The following CDH10 variants were observed in gnomAD, a reference collection of about 807,000 sequenced individuals.
The protein encoded by CDH10 is cadherin-10.
Under a neutral mutation model 73.1 loss-of-function variants are expected in CDH10, and 30 were observed. The observed-to-expected ratio is 0.41, with a 90% CI of 0.31 to 0.56. The LOEUF (loss-of-function observed/expected upper bound fraction) is 0.56. CDH10 is among the 20% of genes least tolerant of loss of function. The pLI, the probability that CDH10 is intolerant of heterozygous loss-of-function variation, is 0.27. For synonymous variants in CDH10, 345 were observed against 348.2 expected (o/e 0.99, Z 0.10); for missense variants, 815 against 973.7 (o/e 0.84, Z 2.17).
intron 2 of CDH10, among the ~76,000 whole-genome samples, chr5:24,559,401 C>T (rs149944180): frequency 2.1e-3 from 316 of 152,066 alleles, no homozygotes; most frequent in Middle Eastern, 0.01. Context: ...AATAAATTAT[C>T]TTTTTAATCC....
Position 24,495,703 on chromosome 5 carries a change from C to T in CDH10, c.1515+2695G>A, listed in dbSNP as rs1277729613. 3.3e-5 allele frequency among the ~76,000 whole-genome samples: 5 copies of T among 151,876 alleles called. No homozygotes were observed. In the South Asian group the frequency reaches 6.3e-4, roughly 19 times the overall value. On this transcript the variant is annotated intron_variant, in intron 9 of 11. Coordinates refer to ENST00000264463, the MANE Select transcript of CDH10 (RefSeq NM_006727.5). ...CTCTACTAAAATACAAAAAATCAGG[C>T]GGGCGTGGTGGTGCGCACCTGCAGT...
chr5:24,595,409 T>C (rs1746338825), intron 1 of CDH10, among the ~76,000 whole-genome samples: 3 of 151,902 alleles, frequency 2.0e-5, no homozygotes, highest in Admixed American at 1.3e-4. Context: ...GTGTATTAAA[T>C]GACAGTGGAG....
In CDH10 at chr5:24,491,680, C is replaced by T. The variant is rs2111638593; in HGVS notation, c.1772G>A (p.Ser591Asn). ...TLTIRVCACDSQGNMQSCSAE... is the reference protein window; with the variant it reads ...TLTIRVCACDNQGNMQSCSAE... ...ACTGCAGGATTGCATGTTGCCTTGG[C>T]TGTCACAAGCACACACTCGAATGGT... is the stretch of plus-strand genomic sequence containing the variant. The change falls in exon 11 of 12, where the codon AGC (serine) becomes AAC (asparagine). Residue 591 changes from serine (S) to asparagine (N), a missense_variant. Around this residue, in one of 3 missense-constraint regions of CDH10, gnomAD observed 516 missense variants for 636.6 expected, o/e 0.81. Transcript: ENST00000264463. 1 of 1,613,996 alleles carries T rather than the reference C, an allele frequency of 6.2e-7. No individual in the cohort carries two copies. Among genetic ancestry groups the T allele is most frequent in the Non-Finnish European group, 8.5e-7 (1 of 1,179,896 alleles).
At chr5:24,583,336 A>G (rs1745870659) in intron 2 of CDH10, among the ~76,000 whole-genome samples, 2 of 152,088 alleles carry the variant, frequency 1.3e-5, no homozygotes, top group Non-Finnish European at 2.9e-5. Flanking sequence ...GGAAATATAT[A>G]TATTTTTAAA....
At chr5:24,549,282 G>A (rs138184389) in intron 2 of CDH10, among the ~76,000 whole-genome samples, 331 of 152,270 alleles carry the variant, frequency 2.2e-3, no homozygotes, top group African/African-American at 7.2e-3. Flanking sequence ...CGAAGTAGAA[G>A]TTGTATTCCA....
At chr5:24,604,260 T>C (rs184100554) in intron 1 of CDH10, among the ~76,000 whole-genome samples, 1 of 152,126 alleles carries the variant, frequency 6.6e-6, no homozygotes, top group African/African-American at 2.4e-5. Context: ...TGTGGGAGGA[T>C]TGCTTGAGCC....
rs528177599 is a variant in CDH10 at position 24,601,894 on chromosome 5, CCTACCATTATCATCCCCTG to C, written c.-123-8300_-123-8282del. Among the ~76,000 whole-genome samples, 445 of 152,216 alleles carry C rather than the reference CCTACCATTATCATCCCCTG, an allele frequency of 2.9e-3. 1 individual carries two copies. The highest frequency in any genetic ancestry group is 0.01 in the African/African-American group (422 of 41,530). On this transcript the variant is annotated intron_variant, in intron 1 of 11. Coordinates refer to ENST00000264463, the MANE Select transcript of CDH10 (RefSeq NM_006727.5). Reference sequence around the variant, plus strand: ...ATTACATTCACACCCTGACCCTAACCCTACCATTATCATCCCCTGCTACTACTCTTGCAATTCCAACTAA... The same window carrying C: ...ATTACATTCACACCCTGACCCTAACCCTACTACTCTTGCAATTCCAACTAA...
In CDH10 at chr5:24,488,139, A is replaced by G. The variant is rs2111613308; in HGVS notation, c.1891T>C (p.Phe631Leu). Residue 631 changes from phenylalanine (F) to leucine (L), a missense_variant, in exon 12 of 12, where the codon TTT becomes CTT. Phe to Leu is a conservative substitution (Grantham distance 22). Around this residue, in one of 3 missense-constraint regions of CDH10, gnomAD observed 241 missense variants for 240.3 expected, o/e 1.00. Transcript: ENST00000264463. ...IIILLVIVVL[F>L]AALKRQRKKE... ...TTTCGCTGTCTTTTCAGAGCTGCAA[A>G]CAGTACTACTATAACTTGAAAAAAG... The G allele has an allele frequency of 6.2e-7, 1 of 1,610,600 alleles. No individual in the cohort carries two copies. Among genetic ancestry groups the G allele is most frequent in the Non-Finnish European group, 8.5e-7 (1 of 1,178,670 alleles).
intron 2 of CDH10, among the ~76,000 whole-genome samples, chr5:24,581,510 C>T (rs1016098442): frequency 6.6e-5 from 10 of 152,110 alleles, no homozygotes; most frequent in Non-Finnish European, 1.2e-4. Context: ...TTTTGAATTT[C>T]CTGTATTTCT....
At chr5:24,636,488 T>C (rs555881752) in intron 1 of CDH10, among the ~76,000 whole-genome samples, 2 of 152,054 alleles carry the variant, frequency 1.3e-5, no homozygotes, top group African/African-American at 2.4e-5. Flanking sequence ...CAGACTATTA[T>C]ATAGAAGAGT....
intron 11 of CDH10, among the ~76,000 whole-genome samples, 164 bp from the exon 12 acceptor site, chr5:24,488,317 C>T (rs1210862880): frequency 6.6e-6 from 1 of 152,074 alleles, no homozygotes; most frequent in African/African-American, 2.4e-5. Context: ...TCAGGGGAGA[C>T]GCTGAAGGGT....
In CDH10 at chr5:24,535,754, T is replaced by C. The variant is rs773499604; in HGVS notation, c.595A>G (p.Ile199Val). 26 of 1,611,392 alleles carry C rather than the reference T, an allele frequency of 1.6e-5. No homozygotes were observed. The highest frequency in any genetic ancestry group is 2.2e-5 in the Non-Finnish European group (26 of 1,178,254). ...GGCTGCCCTTGAAGTATGCTGTAAA[T>C]GACTCTGGCGCTGTTCCCATATGAA... ...DPSYGNSARV[I>V]YSILQGQPYF... The change falls in exon 4 of 12, where the codon ATT (isoleucine) becomes GTT (valine). Residue 199 changes from isoleucine (I) to valine (V), a missense_variant. Physicochemically the swap from Ile to Val is conservative, Grantham distance 29. This residue lies in a region of CDH10 where 516 missense variants were observed against 636.6 expected (regional missense o/e 0.81). Coordinates refer to ENST00000264463, the MANE Select transcript of CDH10 (RefSeq NM_006727.5).
chr5:24,505,496 A>G (rs1255534038), intron 7 of CDH10, among the ~76,000 whole-genome samples: 1 of 152,190 alleles, frequency 6.6e-6, no homozygotes, highest in Non-Finnish European at 1.5e-5. Flanking sequence ...ATTGTTGTCT[A>G]TTGTCATATT....
intron 8 of CDH10, among the ~76,000 whole-genome samples, chr5:24,501,366 C>T (rs1478926279): frequency 6.6e-6 from 1 of 151,914 alleles, no homozygotes; most frequent in African/African-American, 2.4e-5. Flanking sequence ...AAGCATCGAG[C>T]CTGGAGCTAC....
At chr5:24,565,775 A>C (rs1009972514) in intron 2 of CDH10, among the ~76,000 whole-genome samples, 4 of 151,358 alleles carry the variant, frequency 2.6e-5, no homozygotes, top group Middle Eastern at 3.5e-3. Context: ...ACACACACAC[A>C]CCCACACCCA....
At chr5:24,584,015 A>C (rs1287806100) in intron 2 of CDH10, among the ~76,000 whole-genome samples, 2 of 152,164 alleles carry the variant, frequency 1.3e-5, no homozygotes, top group Non-Finnish European at 2.9e-5. Context: ...TCAGGGTCAG[A>C]AGTCCATTTT....
At chr5:24,493,054 G>T in intron 9 of CDH10, 129 bp from the exon 10 acceptor site, 1 of 552,308 alleles carries the variant, frequency 1.8e-6, no homozygotes, top group East Asian at 2.8e-5. Context: ...ATGTATCCTT[G>T]AGTTAATCCA....
chr5:24,497,766 A>T (rs1390376807), intron 9 of CDH10, among the ~76,000 whole-genome samples: 1 of 152,182 alleles, frequency 6.6e-6, no homozygotes, highest in Non-Finnish European at 1.5e-5. Context: ...TCTTTCATTC[A>T]CATACACTGG....
intron 2 of CDH10, among the ~76,000 whole-genome samples, chr5:24,544,738 C>A (rs1744282359): frequency 6.6e-6 from 1 of 152,128 alleles, no homozygotes. Flanking sequence ...TTGAATTACT[C>A]AAGAACCTAC....
Sources: gnomAD v4.1 joint callset for allele counts (sites outside exome capture counted in the v4.1 genomes callset) on GRCh38, gnomAD v4.1.1 for gene constraint, gnomAD v4.1.1 regional missense constraint, MANE v1.5 for transcripts, NCBI Gene and HGNC (gene_info 2026-07-23, HGNC 2026-07-21) for gene names.